PMS2: variants seen among roughly 807,000 people sequenced by gnomAD.
PMS2 encodes the protein mismatch repair endonuclease PMS2.
PMS2 carries 69 observed loss-of-function variants against 90.0 expected under a neutral mutation model. That is an observed-to-expected ratio of 0.77 (90% CI 0.63 to 0.94). The LOEUF (loss-of-function observed/expected upper bound fraction) is 0.94. Ranked by LOEUF, PMS2 falls within the 40% of genes least tolerant of loss-of-function variation. The pLI is 0.00. For missense variants in PMS2, 966 were observed against 1,040.2 expected (o/e 0.93, Z 0.98); for synonymous variants, 332 against 375.1 (o/e 0.89, Z 1.33).
intron 14 of PMS2, 89 bp from the exon 15 acceptor site, chr7:5,973,631 G>A (rs2128660214): frequency 3.3e-6 from 1 of 307,170 alleles, no homozygotes; most frequent in Non-Finnish European, 5.6e-6. Context: ...CTAAAATAAG[G>A]CTGGACAAGA....
At position 5,989,891 on chromosome 7, in the gene PMS2, CA is replaced by C; in HGVS notation, c.1052del (p.Leu351CysfsTer5). On this transcript the variant is annotated frameshift_variant, in exon 10 of 15. Coordinates refer to ENST00000265849, the MANE Select transcript of PMS2 (RefSeq NM_000535.7). LOFTEE classifies it high-confidence loss of function. ...RQILLQEEKL[L>X]LAVLKTSLIG... The stretch of plus-strand genomic sequence containing the variant: ...TCAAAGAGGTCTTTAAAACTGCCAA[CA>C]AAAGCTTTTCCTCTTGTAGCAAAAT... The C allele has an allele frequency of 6.2e-7, 1 of 1,612,390 alleles. No homozygotes were observed. Among genetic ancestry groups the C allele is most frequent in the South Asian group, 1.1e-5 (1 of 90,910 alleles).
chr7:5,983,233 C>T (rs34845367), intron 11 of PMS2, among the ~76,000 whole-genome samples: 13 of 151,538 alleles, frequency 8.6e-5, no homozygotes, highest in East Asian at 1.9e-4. Context: ...CTGCCTCAGC[C>T]TCCTGAGTAG....
intron 5 of PMS2, among the ~76,000 whole-genome samples, chr7:6,001,112 A>G (rs1785041169): frequency 6.6e-6 from 1 of 152,254 alleles, no homozygotes; most frequent in African/African-American, 2.4e-5. Context: ...GGGAAGGCAC[A>G]AAGAAGACAG....
chr7:5,995,116 C>G (rs1284151479), intron 8 of PMS2, among the ~76,000 whole-genome samples: 1 of 152,136 alleles, frequency 6.6e-6, no homozygotes, highest in Non-Finnish European at 1.5e-5. Flanking sequence ...CGGCTTACTG[C>G]AAGCTCCATC....
intron 8 of PMS2, among the ~76,000 whole-genome samples, chr7:5,993,407 AAC>A (rs1282721693): frequency 1.9e-4 from 11 of 57,208 alleles, no homozygotes; most frequent in Non-Finnish European, 3.3e-4. Context: ...AAGAAAAAAA[AAC>A]AAAATATTAC....
At chr7:5,992,170 T>TCTG in intron 8 of PMS2, 113 bp from the exon 9 acceptor site, 1 of 681,840 alleles carries the variant, frequency 1.5e-6, no homozygotes, top group Non-Finnish European at 2.6e-6. Context: ...GGGATACTTT[T>TCTG]TTGTTTTTTT....
At chr7:6,001,826 C>G (rs1785118525) in intron 5 of PMS2, 1 of 151,914 alleles carries the variant, frequency 6.6e-6, no homozygotes, top group South Asian at 2.1e-4. Context: ...AACCCCGTCT[C>G]TACTAAAAAT....
At chr7:5,982,777 T>C (rs1782427104) in intron 12 of PMS2, 47 bp downstream of exon 12, 1 of 1,610,658 alleles carries the variant, frequency 6.2e-7, no homozygotes, top group Non-Finnish European at 8.5e-7. Flanking sequence ...CTCTATTAGA[T>C]CTTCAATTTG....
intron 9 of PMS2, 110 bp downstream of exon 9, chr7:5,991,863 T>A: frequency 1.4e-6 from 1 of 710,596 alleles, no homozygotes; most frequent in Non-Finnish European, 2.5e-6. Flanking sequence ...ACAAAAAACT[T>A]ACATGACCAT....
At chr7:5,996,038 C>T (rs1011403377) in intron 7 of PMS2, among the ~76,000 whole-genome samples, 2 of 152,118 alleles carry the variant, frequency 1.3e-5, no homozygotes, top group African/African-American at 2.4e-5. Flanking sequence ...ACATTCCCTC[C>T]CCTTTCAAAA....
At chr7:5,994,511 C>T (rs1291223992) in intron 8 of PMS2, among the ~76,000 whole-genome samples, 2 of 152,188 alleles carry the variant, frequency 1.3e-5, no homozygotes, top group Middle Eastern at 3.4e-3. Context: ...CGGTGGCTCA[C>T]ACCTGTAATT....
intron 10 of PMS2, among the ~76,000 whole-genome samples, chr7:5,988,942 T>C (rs1463322098): frequency 1.3e-5 from 2 of 151,940 alleles, no homozygotes; most frequent in African/African-American, 2.4e-5. Context: ...TGCAAGCCCC[T>C]CCTCCCGGGT....
At chr7:6,008,560 G>T (rs1437296524) in intron 1 of PMS2, among the ~76,000 whole-genome samples, 1 of 151,702 alleles carries the variant, frequency 6.6e-6, no homozygotes, top group Non-Finnish European at 1.5e-5. Context: ...GACCAGCCTG[G>T]GCAACGCAGC....
intron 11 of PMS2, among the ~76,000 whole-genome samples, chr7:5,985,717 C>A (rs1423957774): frequency 6.7e-6 from 1 of 149,432 alleles, no homozygotes; most frequent in African/African-American, 2.5e-5. Flanking sequence ...CCATATCCCA[C>A]TAATTTTGCA....
At chr7:6,007,593 T>C (rs555204139) in intron 1 of PMS2, among the ~76,000 whole-genome samples, 4 of 152,330 alleles carry the variant, frequency 2.6e-5, no homozygotes, top group African/African-American at 9.6e-5. Context: ...AACAGTTTAA[T>C]TGATAACTTG....
chr7:5,998,272 G>A (rs1215423902), intron 6 of PMS2, among the ~76,000 whole-genome samples: 2 of 150,956 alleles, frequency 1.3e-5, no homozygotes, highest in Non-Finnish European at 3.0e-5. Context: ...AGTAGAGATG[G>A]GGTTTCACCA....
intron 9 of PMS2, among the ~76,000 whole-genome samples, chr7:5,990,974 C>G (rs898433175): frequency 6.6e-6 from 1 of 152,074 alleles, no homozygotes; most frequent in African/African-American, 2.4e-5. Context: ...GATATTACAC[C>G]ACTGCACTCC....
In PMS2 at chr7:5,977,588, C is replaced by A; in HGVS notation, c.2445G>T (p.Ser815=). ...QMFASRACRK[S]VMIGTALNTS... is the part of the protein sequence containing the mutation. ...TGACAGCCAGGCTTTCTTTACTTAC[C>A]GACTTCCGGCAGGCTCTGGAGGCAA... Residue 815 remains serine, a splice_region_variant and synonymous_variant, in exon 14 of 15, where the codon TCG becomes TCT. Transcript: ENST00000265849. The A allele has an allele frequency of 1.9e-6, 3 of 1,546,320 alleles. 1 individual carries two copies. The highest frequency in any genetic ancestry group is 1.1e-5 in the South Asian group (1 of 88,582).
intron 9 of PMS2, 33 bp from the exon 10 acceptor site, chr7:5,989,988 TTAAA>T: frequency 4.5e-6 from 6 of 1,329,712 alleles, no homozygotes; most frequent in Non-Finnish European, 6.4e-6. Flanking sequence ...TTTATTATGT[TTAAA>T]TTCACTTTTA....
Sources: allele counts gnomAD v4.1 joint callset (sites outside exome capture counted in the v4.1 genomes callset), GRCh38; gene constraint gnomAD v4.1.1; transcripts MANE v1.5; gene names NCBI Gene and HGNC (gene_info 2026-07-23, HGNC 2026-07-21).